Variants in MLLT10 observed in about 807,000 individuals in gnomAD.
MLLT10 encodes protein AF-10.
In MLLT10, 30 loss-of-function variants were observed where a neutral mutation model predicts 129.1. The observed-to-expected ratio is 0.23, with a 90% CI of 0.17 to 0.32. MLLT10 has a LOEUF of 0.32. Ranked by LOEUF, MLLT10 falls within the 10% of genes least tolerant of loss-of-function variation. MLLT10 has a pLI of 1.00. For synonymous variants in MLLT10, 490 were observed against 446.4 expected (o/e 1.10, Z -1.23); for missense variants, 1,119 against 1,268.3 (o/e 0.88, Z 1.79).
chr10:21,549,341 A>G (rs1044065181), intron 3 of MLLT10, among the ~76,000 whole-genome samples: 1 of 151,762 alleles, frequency 6.6e-6, no homozygotes, highest in African/African-American at 2.4e-5. Flanking sequence ...CGATCTCCTG[A>G]CCTCGTCATC....
chr10:21,736,919 A>G (rs969472455), intron 21 of MLLT10, among the ~76,000 whole-genome samples: 14 of 152,186 alleles, frequency 9.2e-5, no homozygotes, highest in African/African-American at 3.4e-4. Context: ...CACCCTAGAA[A>G]AGGAGAATAA....
chr10:21,600,334 A>G (rs2043402834), intron 5 of MLLT10, among the ~76,000 whole-genome samples: 1 of 151,832 alleles, frequency 6.6e-6, no homozygotes, highest in Admixed American at 6.6e-5. Flanking sequence ...AGGGATGAAT[A>G]TATTTTTACA....
At chr10:21,691,788 C>G (rs1239778984) in intron 13 of MLLT10, among the ~76,000 whole-genome samples, 1 of 151,944 alleles carries the variant, frequency 6.6e-6, no homozygotes, top group East Asian at 1.9e-4. Context: ...GCAATGGTTA[C>G]AGCCAAGGAA....
In MLLT10 at chr10:21,673,821, C is replaced by T; in HGVS notation, c.1523C>T (p.Ala508Val). 6.2e-7 allele frequency: 1 copy of T among 1,614,138 alleles called. No homozygotes were observed. The highest frequency in any genetic ancestry group is 8.5e-7 in the Non-Finnish European group (1 of 1,180,014). The change falls in exon 11 of 23, where the codon GCA (alanine) becomes GTA (valine). Residue 508 changes from alanine (A) to valine (V), a missense_variant. This residue lies in a region of MLLT10 where 1,004 missense variants were observed against 1,008.7 expected (regional missense o/e 1.00). Transcript: ENST00000307729. ...CCAACATCATCTGTAGCATCAGCTG[C>T]AGGAAGCATAACAAGCTCTAGTCTG... ...ASPTSSVASAAGSITSSSLQK... is the reference protein window; with the variant it reads ...ASPTSSVASAVGSITSSSLQK...
At chr10:21,569,678 C>T (rs1043144030) in intron 3 of MLLT10, among the ~76,000 whole-genome samples, 2 of 151,978 alleles carry the variant, frequency 1.3e-5, no homozygotes, top group African/African-American at 4.8e-5. Flanking sequence ...GCCTCAGGCT[C>T]CCAAAGTGCT....
chr10:21,542,909 G>A (rs1291265048), intron 3 of MLLT10, among the ~76,000 whole-genome samples: 1 of 151,958 alleles, frequency 6.6e-6, no homozygotes, highest in African/African-American at 2.4e-5. Context: ...TTTGCAGGGG[G>A]GCATTTTATT....
At position 21,726,299 on chromosome 10, in the gene MLLT10, A is replaced by T. The variant is rs147585891; in HGVS notation, c.1934A>T (p.Asn645Ile). 105 of 1,613,540 alleles carry T rather than the reference A, an allele frequency of 6.5e-5. No homozygotes were observed. Among genetic ancestry groups the T allele is most frequent in the African/African-American group, 6.4e-4 (48 of 75,030 alleles). The change falls in exon 15 of 23, where the codon AAT becomes ATT. Residue 645 changes from asparagine (N) to isoleucine (I), a missense_variant. Physicochemically the swap from Asn to Ile is moderately radical, Grantham distance 149. Around this residue, in one of 5 missense-constraint regions of MLLT10, gnomAD observed 1,004 missense variants for 1,008.7 expected, o/e 1.00. Transcript: ENST00000307729. ...CAGGCACCATCTCATATGTATGGCA[A>T]TAGATCAAATTCATCAATGGCAGCT... is the stretch of plus-strand genomic sequence containing the variant. Reference protein sequence around the residue: ...LSQAPSHMYGNRSNSSMAALI... With the variant: ...LSQAPSHMYGIRSNSSMAALI...
At chr10:21,584,779 A>T (rs551068384) in intron 3 of MLLT10, among the ~76,000 whole-genome samples, 1 of 151,506 alleles carries the variant, frequency 6.6e-6, no homozygotes, top group African/African-American at 2.4e-5. Flanking sequence ...GTATGTGTGT[A>T]TGTGTGTATA....
intron 10 of MLLT10, 54 bp downstream of exon 10, chr10:21,670,758 T>TA: frequency 1.3e-6 from 2 of 1,530,010 alleles, no homozygotes; most frequent in Non-Finnish European, 1.8e-6. Flanking sequence ...TAATAATAGT[T>TA]ATGCTTTGTA....
chr10:21,679,516 G>A (rs571679034), intron 11 of MLLT10, among the ~76,000 whole-genome samples: 4 of 152,224 alleles, frequency 2.6e-5, no homozygotes, highest in Non-Finnish European at 4.4e-5. Context: ...GCGCTTTTTT[G>A]TGTGTGAAAA....
intron 8 of MLLT10, among the ~76,000 whole-genome samples, chr10:21,650,941 T>C (rs1308772136): frequency 6.6e-6 from 1 of 152,196 alleles, no homozygotes; most frequent in East Asian, 1.9e-4. Flanking sequence ...GAAATTCTCA[T>C]GCATGGTAGA....
intron 9 of MLLT10, among the ~76,000 whole-genome samples, chr10:21,658,893 C>G (rs528141665): frequency 6.6e-6 from 1 of 152,260 alleles, no homozygotes; most frequent in East Asian, 1.9e-4. Context: ...GTCTCAATCT[C>G]TGGACCTCGT....
At chr10:21,713,113 A>C (rs888443273) in intron 13 of MLLT10, among the ~76,000 whole-genome samples, 3 of 152,098 alleles carry the variant, frequency 2.0e-5, no homozygotes, top group Non-Finnish European at 2.9e-5. Flanking sequence ...CTGCCAACTC[A>C]TAGCCCAGTT....
At chr10:21,662,934 G>T (rs926611989) in intron 9 of MLLT10, among the ~76,000 whole-genome samples, 2 of 152,160 alleles carry the variant, frequency 1.3e-5, no homozygotes, top group Non-Finnish European at 2.9e-5. Flanking sequence ...TCTCCCTCAA[G>T]TGGGACAGGA....
intron 3 of MLLT10, among the ~76,000 whole-genome samples, chr10:21,542,494 C>A (rs12763988): frequency 6.6e-6 from 1 of 152,150 alleles, no homozygotes; most frequent in Non-Finnish European, 1.5e-5. Context: ...CGCCCGAACC[C>A]GGGAGGCAGA....
intron 3 of MLLT10, among the ~76,000 whole-genome samples, chr10:21,554,050 C>CTTA (rs1554787975): frequency 6.6e-6 from 1 of 152,140 alleles, no homozygotes; most frequent in Non-Finnish European, 1.5e-5. Context: ...GGTGTGCTTG[C>CTTA]TTATACTCAT....
intron 4 of MLLT10, among the ~76,000 whole-genome samples, chr10:21,587,657 C>T (rs1423555837): frequency 6.6e-6 from 1 of 152,104 alleles, no homozygotes; most frequent in African/African-American, 2.4e-5. Context: ...CTACTATACT[C>T]TTCTCCATTT....
chr10:21,631,387 A>G (rs1367026460), intron 8 of MLLT10, among the ~76,000 whole-genome samples: 1 of 151,434 alleles, frequency 6.6e-6, no homozygotes, highest in Non-Finnish European at 1.5e-5. Context: ...AATAAATGAT[A>G]GAGCTGGAAT....
At chr10:21,627,620 G>A (rs2046583597) in intron 8 of MLLT10, among the ~76,000 whole-genome samples, 1 of 151,984 alleles carries the variant, frequency 6.6e-6, no homozygotes, top group African/African-American at 2.4e-5. Flanking sequence ...TCTTTCTTAG[G>A]TCTTAAAAAA....
Sources: gnomAD v4.1 joint callset for allele counts (sites outside exome capture counted in the v4.1 genomes callset) on GRCh38, gnomAD v4.1.1 for gene constraint, gnomAD v4.1.1 regional missense constraint, MANE v1.5 for transcripts, NCBI Gene and HGNC (gene_info 2026-07-23, HGNC 2026-07-21) for gene names.